Variants in KLF15 observed in about 807,000 individuals in gnomAD.
The protein encoded by KLF15 is Krueppel-like factor 15.
KLF15 carries 4 observed loss-of-function variants against 24.6 expected under a neutral mutation model. The ratio of observed to expected loss-of-function variants is 0.16; its 90% CI spans 0.08 to 0.37. The LOEUF is 0.37. KLF15 is among the 10% of genes least tolerant of loss of function. The pLI, the probability that KLF15 is intolerant of heterozygous loss-of-function variation, is 1.00. For synonymous variants in KLF15, 246 were observed against 236.3 expected (o/e 1.04, Z -0.37); for missense variants, 496 against 560.6 (o/e 0.88, Z 1.16).
intron 2 of KLF15, among the ~76,000 whole-genome samples, chr3:126,344,931 C>T (rs1293358182): frequency 6.6e-6 from 1 of 152,204 alleles, no homozygotes; most frequent in Non-Finnish European, 1.5e-5. Context: ...TTGCCACCAA[C>T]CTCAGGGATT....
At chr3:126,351,785 T>G in intron 2 of KLF15, 56 bp downstream of exon 2, 1 of 1,544,880 alleles carries the variant, frequency 6.5e-7, no homozygotes, top group Non-Finnish European at 8.7e-7. Context: ...CACACCCAAG[T>G]AAGCAGACAT....
chr3:126,353,508 A>C (rs762467603), intron 1 of KLF15, among the ~76,000 whole-genome samples: 2 of 152,272 alleles, frequency 1.3e-5, no homozygotes, highest in Admixed American at 1.3e-4. Flanking sequence ...TCAGATTTAA[A>C]AAATAAACTA....
At chr3:126,296,354 C>T in the KLF15 span, among the ~76,000 whole-genome samples, 1 of 152,128 alleles carries the variant, frequency 6.6e-6, no homozygotes, top group Non-Finnish European at 1.5e-5. Flanking sequence ...ACTACAGGCG[C>T]CCACCACCAT....
the KLF15 span, among the ~76,000 whole-genome samples, chr3:126,289,907 A>C: frequency 6.6e-6 from 1 of 152,200 alleles, no homozygotes; most frequent in Non-Finnish European, 1.5e-5. Flanking sequence ...TAAAGGAAAA[A>C]GCCAGCTGGA....
At chr3:126,315,559 G>C in the KLF15 span, among the ~76,000 whole-genome samples, 1 of 152,172 alleles carries the variant, frequency 6.6e-6, no homozygotes, top group African/African-American at 2.4e-5. Flanking sequence ...AAGTCAGGGG[G>C]GACAGGAGGA....
chr3:126,314,099 C>A, the KLF15 span, among the ~76,000 whole-genome samples: 1 of 152,106 alleles, frequency 6.6e-6, no homozygotes, highest in East Asian at 1.9e-4. Context: ...GCTTGCTGAG[C>A]CCTGGTCTCA....
At chr3:126,313,435 A>G in the KLF15 span, among the ~76,000 whole-genome samples, 2 of 152,176 alleles carry the variant, frequency 1.3e-5, no homozygotes, top group African/African-American at 2.4e-5. Context: ...CATCCTAACT[A>G]TTACATCTGC....
the KLF15 span, among the ~76,000 whole-genome samples, chr3:126,323,032 T>A: frequency 2.4e-4 from 37 of 151,194 alleles, 1 homozygote; most frequent in East Asian, 4.6e-3. Context: ...TTTTTTTTTT[T>A]AATGAAATAA....
At chr3:126,305,715 C>A in the KLF15 span, among the ~76,000 whole-genome samples, 1 of 152,186 alleles carries the variant, frequency 6.6e-6, no homozygotes, top group Admixed American at 6.6e-5. Flanking sequence ...TTGGAAGTAG[C>A]TGCTGGGTTG....
chr3:126,343,775 C>T lies in KLF15; in HGVS notation c.1203G>A (p.Lys401=). 2 of 1,612,074 alleles carry T rather than the reference C, an allele frequency of 1.2e-6. No individual in the cohort carries two copies. The highest frequency in any genetic ancestry group is 2.2e-5 in the East Asian group (1 of 44,856). ...ARSDHLSKHI[K]VHRFPRSSRS... is the part of the protein sequence containing the mutation. Reference sequence around the variant, plus strand: ...GGCTGCTCCGCGGGAAGCGGTGCACCTTGATGTGCTTGGAGAGGTGGTCGC... The same window carrying T: ...GGCTGCTCCGCGGGAAGCGGTGCACTTTGATGTGCTTGGAGAGGTGGTCGC... The change falls in exon 3 of 3, where the codon AAG becomes AAA. Residue 401 remains lysine (K), a synonymous_variant. Coordinates refer to ENST00000296233, the MANE Select transcript of KLF15 (RefSeq NM_014079.4).
the KLF15 span, among the ~76,000 whole-genome samples, chr3:126,300,868 C>T: frequency 2.0e-5 from 3 of 152,308 alleles, no homozygotes; most frequent in South Asian, 2.1e-4. Flanking sequence ...ATCCTCCATC[C>T]TTAATGCACG....
chr3:126,343,880 G>T lies in KLF15; in HGVS notation c.1098C>A (p.Asp366Glu). 1 of 1,594,728 alleles carries T rather than the reference G, an allele frequency of 6.3e-7. No homozygotes were observed. The highest frequency in any genetic ancestry group is 8.5e-7 in the Non-Finnish European group (1 of 1,171,334). ...GCGAGCGCCTGTGCCGCGACAGCTC[G>T]TCAGAGCGCGAGAACCTGCGGGACA... is the stretch of plus-strand genomic sequence containing the variant. ...PGCGWRFSRS[D>E]ELSRHRRSHS... Residue 366 changes from aspartate (D) to glutamate (E), a missense_variant, in exon 3 of 3, where the codon GAC becomes GAA. Physicochemically the swap from Asp to Glu is conservative, Grantham distance 45. Coordinates refer to ENST00000296233, the MANE Select transcript of KLF15 (RefSeq NM_014079.4).
At chr3:126,302,762 C>T in the KLF15 span, among the ~76,000 whole-genome samples, 1 of 152,034 alleles carries the variant, frequency 6.6e-6, no homozygotes, top group Non-Finnish European at 1.5e-5. Context: ...TTTTCCCATC[C>T]TCCTACTTCT....
At chr3:126,353,600 T>A (rs1488101505) in intron 1 of KLF15, among the ~76,000 whole-genome samples, 1 of 152,252 alleles carries the variant, frequency 6.6e-6, no homozygotes, top group Admixed American at 6.5e-5. Flanking sequence ...CAAATTTAAC[T>A]AGGCCGCCTG....
intron 2 of KLF15, among the ~76,000 whole-genome samples, chr3:126,348,232 T>C (rs2107553906): frequency 1.3e-5 from 2 of 152,288 alleles, no homozygotes; most frequent in Non-Finnish European, 2.9e-5. Flanking sequence ...TTCTCTCCTC[T>C]GTGAAATAGG....
chr3:126,296,604 A>C, the KLF15 span, among the ~76,000 whole-genome samples: 1 of 152,228 alleles, frequency 6.6e-6, no homozygotes, highest in African/African-American at 2.4e-5. Context: ...AGCACCTAGC[A>C]TGTCTAGGGC....
At chr3:126,338,526 C>G (rs967291243), downstream of KLF15, among the ~76,000 whole-genome samples, 9 of 152,188 alleles carry the variant, frequency 5.9e-5, no homozygotes, top group African/African-American at 2.2e-4. Context: ...GCAAAGACTT[C>G]TGTGGGAAGG....
chr3:126,344,532 G>T (rs1045165066), intron 2 of KLF15, among the ~76,000 whole-genome samples: 2 of 152,166 alleles, frequency 1.3e-5, no homozygotes, highest in Non-Finnish European at 2.9e-5. Context: ...GTGTGCAGGG[G>T]TCTCTGAGGC....
rs2082584764 is a variant in KLF15 at position 126,351,864 on chromosome 3, G to A, written c.1059C>T (p.Cys353=). 7 of 1,613,746 alleles carry A rather than the reference G, an allele frequency of 4.3e-6. No homozygotes were observed. The Admixed American group carries it at 1.0e-4, about 23-fold the overall frequency. The change falls in exon 2 of 3, where the codon TGC becomes TGT. Residue 353 remains cysteine, a synonymous_variant. Transcript: ENST00000296233. ...ACCTCCAGCCGCAGCCTGGCCAGGT[G>A]CAGGCGAAGGGCTTCTCACCCGTGT... ...RRHTGEKPFA[C]TWPGCGWRFS...
Sources: allele counts gnomAD v4.1 joint callset (sites outside exome capture counted in the v4.1 genomes callset), GRCh38; gene constraint gnomAD v4.1.1; transcripts MANE v1.5; gene names NCBI Gene and HGNC (gene_info 2026-07-23, HGNC 2026-07-21).